Variants in TMED8 observed in about 807,000 individuals in gnomAD.
TMED8 encodes protein TMED8.
TMED8 carries 15 observed loss-of-function variants against 32.7 expected under a neutral mutation model. The ratio of observed to expected loss-of-function variants is 0.46; its 90% CI spans 0.31 to 0.71. The LOEUF is 0.71. Among genes scored for constraint, TMED8 ranks in the 30% least tolerant of loss-of-function variants. TMED8 has a pLI of 0.06. For missense variants in TMED8, 390 were observed against 423.9 expected (o/e 0.92, Z 0.70); for synonymous variants, 147 against 161.4 (o/e 0.91, Z 0.68).
chr14:77,351,411 ATTTTTTTTTT>A (rs1181134385), intron 2 of TMED8, among the ~76,000 whole-genome samples: 89 of 102,130 alleles, frequency 8.7e-4, no homozygotes, highest in African/African-American at 3.7e-3. Flanking sequence ...CGCCCCGCTA[ATTTTTTTTTT>A]TTTTTTTTTT....
intron 1 of TMED8, among the ~76,000 whole-genome samples, chr14:77,355,155 T>TGC (rs1893265027): frequency 2.7e-5 from 1 of 36,954 alleles, no homozygotes; most frequent in Admixed American, 5.9e-4. Flanking sequence ...GTATATGTAT[T>TGC]GTGTGTGTGT....
intron 1 of TMED8, among the ~76,000 whole-genome samples, chr14:77,356,928 T>C (rs1215992149): frequency 6.6e-6 from 1 of 152,246 alleles, no homozygotes; most frequent in Non-Finnish European, 1.5e-5. Context: ...ACTTAACAGA[T>C]TATTTTATGC....
chr14:77,368,826 G>A (rs1893613982), intron 1 of TMED8, among the ~76,000 whole-genome samples: 1 of 152,148 alleles, frequency 6.6e-6, no homozygotes, highest in Non-Finnish European at 1.5e-5. Flanking sequence ...TCAGGTATAT[G>A]TATTATAATT....
Position 77,338,109 on chromosome 14 carries a change from T to C in TMED8, c.*3662A>G, listed in dbSNP as rs1006898061. 6 of 152,108 alleles carry C rather than the reference T, an allele frequency of 3.9e-5. No individual in the cohort carries two copies. The highest frequency in any genetic ancestry group is 8.8e-5 in the Non-Finnish European group (6 of 68,024). 9.4% of individuals were successfully genotyped at this position (152,108 alleles called of 1,614,324 possible). ...GGAATTTAAATACAACTGACCAGCA[T>C]TAACATTAAAACAGAGATCTTAAGA... On this transcript the variant is annotated 3_prime_UTR_variant, in exon 6 of 6. Coordinates refer to ENST00000216468, the MANE Select transcript of TMED8 (RefSeq NM_213601.3).
At chr14:77,358,884 T>G (rs1340887506) in intron 1 of TMED8, among the ~76,000 whole-genome samples, 1 of 152,146 alleles carries the variant, frequency 6.6e-6, no homozygotes, top group Non-Finnish European at 1.5e-5. Flanking sequence ...ACATTCTTCT[T>G]CTGCAACTTT....
intron 1 of TMED8, among the ~76,000 whole-genome samples, chr14:77,355,029 C>T (rs1266296134): frequency 6.6e-6 from 1 of 152,018 alleles, no homozygotes; most frequent in Admixed American, 6.6e-5. Flanking sequence ...AAGCGGTCCT[C>T]CCACCTCCCC....
At chr14:77,362,360 T>C (rs1275624467) in intron 1 of TMED8, among the ~76,000 whole-genome samples, 1 of 152,174 alleles carries the variant, frequency 6.6e-6, no homozygotes, top group Non-Finnish European at 1.5e-5. Context: ...GCAGTCTTTA[T>C]TACGTTGAGT....
chr14:77,373,829 GA>G, intron 1 of TMED8, among the ~76,000 whole-genome samples: 1 of 152,268 alleles, frequency 6.6e-6, no homozygotes, highest in East Asian at 1.9e-4. Flanking sequence ...TCCTCTTGAT[GA>G]TAAGTGAGTT....
intron 1 of TMED8, among the ~76,000 whole-genome samples, chr14:77,356,766 G>A (rs544780484): frequency 6.6e-6 from 1 of 152,188 alleles, no homozygotes; most frequent in South Asian, 2.1e-4. Context: ...TCCAAATAAA[G>A]TTCACACACT....
rs1345973338 is a variant in TMED8, at chr14:77,376,900, G to A, written c.118+36C>T. 3.1e-6 allele frequency: 4 copies of A among 1,301,794 alleles called. No homozygotes were observed. The highest frequency in any genetic ancestry group is 1.0e-6 in the Non-Finnish European group (1 of 994,164). 80.6% of individuals were successfully genotyped at this position (1,301,794 alleles called of 1,614,324 possible). ...CCGTGGTGCGGGGCCCTGAGGCCGGGCGGCACCCACCCGCCAGCGCCCCGG... is the reference window on the plus strand; with the variant it reads ...CCGTGGTGCGGGGCCCTGAGGCCGGACGGCACCCACCCGCCAGCGCCCCGG... On this transcript the variant is annotated intron_variant, in intron 1 of 5. Coordinates refer to ENST00000216468, the MANE Select transcript of TMED8 (RefSeq NM_213601.3). The surrounding 1 kb of genome is among the most constrained non-coding windows in gnomAD (Gnocchi z 4.0).
intron 2 of TMED8, among the ~76,000 whole-genome samples, chr14:77,351,411 A>ATTTTTTTTTTTT (rs1181134385): frequency 2.2e-3 from 226 of 102,086 alleles, no homozygotes; most frequent in Non-Finnish European, 2.7e-3. Flanking sequence ...CGCCCCGCTA[A>ATTTTTTTTTTTT]TTTTTTTTTT....
Position 77,343,788 on chromosome 14 carries a change from G to A in TMED8, c.363C>T (p.Asp121=), listed in dbSNP as rs1892967929. The change falls in exon 4 of 6, where the codon GAC becomes GAT. Residue 121 remains aspartate, a synonymous_variant. Coordinates refer to ENST00000216468, the MANE Select transcript of TMED8 (RefSeq NM_213601.3). ...TATGTTCAGACTGGATCATAACGAT[G>A]TCCCCAGACCTCTGTGGAACTTGAT... The part of the protein sequence containing the change: ...AKYQVPQRSG[D]IVMIQSEHTG... 6.2e-6 allele frequency: 10 copies of A among 1,613,988 alleles called. No homozygotes were observed. In the East Asian group the frequency reaches 2.2e-4, roughly 36 times the overall value.
chr14:77,347,951 C>T (rs527809178), intron 2 of TMED8, among the ~76,000 whole-genome samples: 2 of 152,106 alleles, frequency 1.3e-5, no homozygotes, highest in Non-Finnish European at 2.9e-5. Flanking sequence ...ATGTTATTTC[C>T]CTTTTTTCAT....
intron 1 of TMED8, among the ~76,000 whole-genome samples, chr14:77,372,952 A>ATATATATT (rs1555360928): frequency 1.4e-4 from 2 of 14,308 alleles, no homozygotes; most frequent in African/African-American, 3.5e-4. Flanking sequence ...ATATATATAT[A>ATATATATT]TTTTTTTTTT....
chr14:77,377,042 C>G lies in TMED8; in HGVS notation c.12G>C (p.Leu4=). 7.3e-7 allele frequency: 1 copy of G among 1,370,248 alleles called. No homozygotes were observed. Among genetic ancestry groups the G allele is most frequent in the Non-Finnish European group, 9.3e-7 (1 of 1,070,414 alleles). 84.9% of individuals were successfully genotyped at this position (1,370,248 alleles called of 1,614,324 possible). A position where few individuals can be genotyped will look rare whatever the true frequency, so the allele number is the denominator to read the frequency against. MSD[L]QAAEGPGSWS... is the part of the protein sequence containing the mutation. ...AGGAGCCCGGCCCCTCAGCCGCCTG[C>G]AGGTCAGACATCTGCAGCCCGCGCA... Residue 4 remains leucine, a synonymous_variant, in exon 1 of 6, where the codon CTG becomes CTC. Transcript: ENST00000216468.
intron 2 of TMED8, among the ~76,000 whole-genome samples, chr14:77,347,153 C>T (rs1401556937): frequency 6.6e-6 from 1 of 152,096 alleles, no homozygotes. Flanking sequence ...CCTCACTCTG[C>T]GGCCCACAGG....
intron 3 of TMED8, among the ~76,000 whole-genome samples, chr14:77,345,658 T>TC (rs1893009814): frequency 3.0e-5 from 1 of 33,288 alleles, no homozygotes; most frequent in Non-Finnish European, 5.3e-5. Context: ...GACCTTTGTC[T>TC]CAAAAAAAAA....
chr14:77,361,008 A>C, intron 1 of TMED8, among the ~76,000 whole-genome samples: 4 of 118,184 alleles, frequency 3.4e-5, no homozygotes, highest in East Asian at 2.3e-4. Context: ...ACAGAGTCTC[A>C]CTCTGTCACC....
intron 1 of TMED8, among the ~76,000 whole-genome samples, chr14:77,363,311 G>A (rs1893479241): frequency 6.6e-6 from 1 of 152,102 alleles, no homozygotes; most frequent in African/African-American, 2.4e-5. Context: ...AGGGAATTCA[G>A]GGAAAAATCA....
Sources: allele counts gnomAD v4.1 joint callset (sites outside exome capture counted in the v4.1 genomes callset), GRCh38; gene constraint gnomAD v4.1.1; non-coding constraint Gnocchi (gnomAD v3.1); transcripts MANE v1.5; gene names NCBI Gene and HGNC (gene_info 2026-07-23, HGNC 2026-07-21).